The following CUX1 variants were observed in gnomAD, a reference collection of about 807,000 sequenced individuals.
The protein encoded by CUX1 is protein CASP.
CUX1 carries 31 observed loss-of-function variants against 158.8 expected under a neutral mutation model. That is an observed-to-expected ratio of 0.20 (90% CI 0.15 to 0.26). CUX1 has a LOEUF of 0.26. Among genes scored for constraint, CUX1 ranks in the 10% least tolerant of loss-of-function variants. CUX1 has a pLI of 1.00. For missense variants in CUX1, 1,589 were observed against 2,014.6 expected, an observed-to-expected ratio of 0.79 and a Z score of 4.04; for synonymous variants, 879 against 862.1, an observed-to-expected ratio of 1.02 and a Z score of -0.34.
At chr7:102,050,939 CCT>C (rs1231263343) in intron 3 of CUX1, among the ~76,000 whole-genome samples, 2 of 152,110 alleles carry the variant, frequency 1.3e-5, no homozygotes, top group African/African-American at 2.4e-5. Context: ...TGGCTTTCTC[CCT>C]CTCTTTCCTG....
chr7:101,844,762 C>A (rs531485391), intron 1 of CUX1, among the ~76,000 whole-genome samples: 30 of 152,098 alleles, frequency 2.0e-4, no homozygotes, highest in South Asian at 6.2e-4. Flanking sequence ...ATTACAGGCG[C>A]CTGCCCCCAT....
At chr7:102,000,380 T>TC (rs1478715291) in intron 2 of CUX1, among the ~76,000 whole-genome samples, 1 of 152,160 alleles carries the variant, frequency 6.6e-6, no homozygotes, top group Non-Finnish European at 1.5e-5. Flanking sequence ...CAAAACCACT[T>TC]CCAAATGTTT....
intron 3 of CUX1, among the ~76,000 whole-genome samples, chr7:102,029,251 C>T (rs1820426594): frequency 6.6e-6 from 1 of 152,096 alleles, no homozygotes; most frequent in South Asian, 2.1e-4. Flanking sequence ...CTTTGACCTC[C>T]CAAAGTGCTG....
At chr7:102,268,041 T>C (rs1288510524) in intron 14 of CUX1, among the ~76,000 whole-genome samples, 3 of 152,092 alleles carry the variant, frequency 2.0e-5, no homozygotes, top group African/African-American at 7.2e-5. Context: ...AGGATGTCTT[T>C]GTGGGTTCTC....
chr7:102,241,949 G>T (rs1186848187), intron 23 of CUX1, among the ~76,000 whole-genome samples: 1 of 152,234 alleles, frequency 6.6e-6, no homozygotes. Flanking sequence ...CAGTCTGGGT[G>T]ATAGAGCCAG....
At chr7:102,266,947 C>T (rs1790852603) in intron 14 of CUX1, among the ~76,000 whole-genome samples, 2 of 152,112 alleles carry the variant, frequency 1.3e-5, no homozygotes, top group Admixed American at 6.6e-5. Flanking sequence ...TGCATGTGTA[C>T]ATGCCTGCTA....
chr7:102,154,834 A>G (rs1836089918), intron 8 of CUX1, among the ~76,000 whole-genome samples: 2 of 152,198 alleles, frequency 1.3e-5, no homozygotes, highest in Non-Finnish European at 2.9e-5. Context: ...GAGAGGGCTT[A>G]TATAGGGGCA....
chr7:102,033,613 T>C (rs1034583730), intron 3 of CUX1, among the ~76,000 whole-genome samples: 8 of 152,196 alleles, frequency 5.3e-5, no homozygotes, highest in East Asian at 1.9e-4. Context: ...ACTACCAAAA[T>C]TGATTAAAGA....
At chr7:101,896,044 A>G (rs1000867815) in intron 1 of CUX1, among the ~76,000 whole-genome samples, 1 of 151,490 alleles carries the variant, frequency 6.6e-6, no homozygotes, top group Non-Finnish European at 1.5e-5. Context: ...GCACCACTGC[A>G]CTTGGCGTAT....
intron 1 of CUX1, among the ~76,000 whole-genome samples, chr7:101,849,557 T>C (rs1309377293): frequency 6.6e-6 from 1 of 152,182 alleles, no homozygotes; most frequent in East Asian, 1.9e-4. Context: ...GTATGCGCCA[T>C]GTTTTCTTTA....
At chr7:102,041,289 A>AGAG (rs1434225508) in intron 3 of CUX1, among the ~76,000 whole-genome samples, 1 of 109,500 alleles carries the variant, frequency 9.1e-6, no homozygotes, top group East Asian at 3.0e-4. Flanking sequence ...TTTTTGAAAT[A>AGAG]GAGTCTCTCT....
intron 5 of CUX1, among the ~76,000 whole-genome samples, chr7:102,098,098 T>TC (rs1410882005): frequency 6.6e-6 from 1 of 152,180 alleles, no homozygotes; most frequent in African/African-American, 2.4e-5. Flanking sequence ...TTACCTAAAA[T>TC]CCAGAGGCAC....
chr7:101,919,573 G>T (rs1804645965), intron 2 of CUX1, among the ~76,000 whole-genome samples: 1 of 152,208 alleles, frequency 6.6e-6, no homozygotes. Flanking sequence ...AGGGCTGGTG[G>T]TGTTCCTGCT....
intron 2 of CUX1, among the ~76,000 whole-genome samples, chr7:101,993,454 G>T (rs1432916436): frequency 6.6e-6 from 1 of 152,212 alleles, no homozygotes; most frequent in Non-Finnish European, 1.5e-5. Flanking sequence ...GATGGGGGGT[G>T]GGAGTATGCA....
intron 7 of CUX1, 120 bp downstream of exon 7, chr7:102,111,894 G>GC: frequency 1.3e-6 from 1 of 796,276 alleles, no homozygotes. Flanking sequence ...CGTGGGAGCT[G>GC]CCGGGAGCCC....
chr7:101,920,973 G>T (rs901256426), intron 2 of CUX1, among the ~76,000 whole-genome samples: 4 of 151,962 alleles, frequency 2.6e-5, no homozygotes, highest in Admixed American at 6.6e-5. Context: ...CTATAGGTGC[G>T]TGCCACCACA....
intron 2 of CUX1, among the ~76,000 whole-genome samples, chr7:101,952,320 G>T (rs1307049577): frequency 6.6e-6 from 1 of 152,196 alleles, no homozygotes; most frequent in African/African-American, 2.4e-5. Context: ...GGTTGGAGCT[G>T]CAGTGAGCCG....
intron 9 of CUX1, among the ~76,000 whole-genome samples, chr7:102,165,304 A>G (rs1343691241): frequency 1.3e-5 from 2 of 150,994 alleles, no homozygotes; most frequent in African/African-American, 2.4e-5. Context: ...GTAGCTGTCT[A>G]CATCCTGTAT....
At chr7:102,093,290 A>G (rs1427553267) in intron 4 of CUX1, among the ~76,000 whole-genome samples, 1 of 151,292 alleles carries the variant, frequency 6.6e-6, no homozygotes, top group East Asian at 1.9e-4. Flanking sequence ...GGCTCAAGCA[A>G]TCCTCCTACC....
Sources: gnomAD v4.1 joint callset for allele counts (sites outside exome capture counted in the v4.1 genomes callset) on GRCh38, gnomAD v4.1.1 for gene constraint, MANE v1.5 for transcripts, NCBI Gene and HGNC (gene_info 2026-07-23, HGNC 2026-07-21) for gene names.